Variants in SVOP observed in about 807,000 individuals in gnomAD.
SVOP encodes the protein synaptic vesicle 2-related protein.
Under a neutral mutation model 69.1 loss-of-function variants are expected in SVOP, and 17 were observed. The ratio of observed to expected loss-of-function variants is 0.25; its 90% CI spans 0.17 to 0.37. The LOEUF is 0.37. Ranked by LOEUF, SVOP falls within the 10% of genes least tolerant of loss-of-function variation. SVOP has a pLI of 1.00. For synonymous variants in SVOP, 238 were observed against 238.6 expected, an observed-to-expected ratio of 1.00 and a Z score of 0.02; for missense variants, 435 against 597.5, an observed-to-expected ratio of 0.73 and a Z score of 2.84.
rs1479274311 is a variant in SVOP at position 108,912,216 on chromosome 12, G to T, written c.*319C>A. 5.8e-6 allele frequency: 7 copies of T among 1,212,872 alleles called. No homozygotes were observed. In the East Asian group the frequency reaches 3.0e-4, roughly 52 times the overall value. The allele number at this position is 1,212,872 out of a possible 1,614,324, so 75.1% of individuals were successfully genotyped here. ...GGTTGTTCACTGAGGGTTTGGCCGG[G>T]TGACTCTGGGTGGTGTCTGATTGGT... On this transcript the variant is annotated 3_prime_UTR_variant, in exon 16 of 16. Coordinates refer to ENST00000610966, the MANE Select transcript of SVOP (RefSeq NM_018711.5).
chr12:108,970,991 C>T (rs897205641), intron 5 of SVOP, among the ~76,000 whole-genome samples: 1 of 152,172 alleles, frequency 6.6e-6, no homozygotes, highest in Non-Finnish European at 1.5e-5. Context: ...GCACTCCAGC[C>T]TGGGCAACAG....
At chr12:108,971,423 C>T (rs1593195287) in intron 5 of SVOP, among the ~76,000 whole-genome samples, 1 of 80,978 alleles carries the variant, frequency 1.2e-5, no homozygotes, top group Non-Finnish European at 2.5e-5. Context: ...AGCAAGACTC[C>T]GTCTCAAAAA....
At chr12:108,975,192 G>T (rs1014857205) in intron 4 of SVOP, among the ~76,000 whole-genome samples, 1 of 152,178 alleles carries the variant, frequency 6.6e-6, no homozygotes, top group Middle Eastern at 3.2e-3. Context: ...TCCCCAAAAG[G>T]AGAGATTCTG....
intron 5 of SVOP, among the ~76,000 whole-genome samples, chr12:108,965,437 G>A (rs2040039635): frequency 6.6e-6 from 1 of 152,108 alleles, no homozygotes; most frequent in African/African-American, 2.4e-5. Context: ...ATGGGGGCCT[G>A]GTGGAATTAC....
At chr12:108,974,600 G>A (rs188213052) in intron 4 of SVOP, among the ~76,000 whole-genome samples, 8 of 152,164 alleles carry the variant, frequency 5.3e-5, no homozygotes, top group African/African-American at 1.4e-4. Flanking sequence ...GCATGGTGGC[G>A]TGTGTCTTTG....
intron 5 of SVOP, among the ~76,000 whole-genome samples, chr12:108,968,173 C>T (rs2040056501): frequency 6.6e-6 from 1 of 152,204 alleles, no homozygotes; most frequent in South Asian, 2.1e-4. Flanking sequence ...ACAAGGAGGT[C>T]TGGTTCTCAT....
Position 108,940,845 on chromosome 12 carries a change from C to T in SVOP, c.707G>A (p.Gly236Asp), listed in dbSNP as rs2137406387. The T allele has an allele frequency of 3.9e-6, 6 of 1,537,214 alleles. No individual in the cohort carries two copies. Among genetic ancestry groups the T allele is most frequent in the Non-Finnish European group, 5.2e-6 (6 of 1,146,894 alleles). The change falls in exon 8 of 16, where the codon GGC becomes GAC. Residue 236 changes from glycine to aspartate, a missense_variant. Physicochemically the swap from Gly to Asp is moderately conservative, Grantham distance 94. Transcript: ENST00000610966. ...VLAVFVMPSL[G>D]WRWLLILSAV... ...TGAGAGGATGAGCAGCCAACGCCAG[C>T]CCAGGCTGGGCATCACGAACACAGC...
At chr12:108,948,452 A>G (rs1156564203) in intron 6 of SVOP, among the ~76,000 whole-genome samples, 2 of 152,208 alleles carry the variant, frequency 1.3e-5, no homozygotes, top group Non-Finnish European at 2.9e-5. Flanking sequence ...TCATATCTAC[A>G]TCTATCAACA....
intron 15 of SVOP, among the ~76,000 whole-genome samples, chr12:108,913,799 C>T (rs907439856): frequency 1.5e-4 from 23 of 152,274 alleles, no homozygotes; most frequent in African/African-American, 2.9e-4. Flanking sequence ...CAGGCATATG[C>T]CACCATGCCT....
intron 11 of SVOP, among the ~76,000 whole-genome samples, chr12:108,930,175 A>AT (rs2039807676): frequency 6.6e-6 from 1 of 152,244 alleles, no homozygotes; most frequent in East Asian, 1.9e-4. Context: ...AACACAAGCA[A>AT]TGCTTGTTCA....
At chr12:108,949,034 T>C (rs183025633) in intron 6 of SVOP, among the ~76,000 whole-genome samples, 42 of 152,318 alleles carry the variant, frequency 2.8e-4, no homozygotes, top group Middle Eastern at 3.4e-3. Context: ...GCTATTTCTG[T>C]CCTTAGAGAT....
At chr12:108,995,457 C>T (rs1213156789) in intron 1 of SVOP, among the ~76,000 whole-genome samples, 1 of 152,010 alleles carries the variant, frequency 6.6e-6, no homozygotes, top group African/African-American at 2.4e-5. Flanking sequence ...CACTTACATT[C>T]ACAGATGTAG....
intron 1 of SVOP, among the ~76,000 whole-genome samples, chr12:109,005,196 G>A (rs1023004177): frequency 2.0e-5 from 3 of 152,170 alleles, no homozygotes; most frequent in African/African-American, 4.8e-5. Flanking sequence ...GTGGTCCATC[G>A]GAGTAGACAA....
chr12:109,006,622 G>A (rs999545875), intron 1 of SVOP, among the ~76,000 whole-genome samples: 5 of 152,126 alleles, frequency 3.3e-5, no homozygotes, highest in East Asian at 3.9e-4. Context: ...GGTTCGGTTC[G>A]TTTGAATAAT....
chr12:108,915,149 G>T (rs1012408007), intron 15 of SVOP, among the ~76,000 whole-genome samples: 1 of 147,818 alleles, frequency 6.8e-6, no homozygotes, highest in Admixed American at 6.7e-5. Flanking sequence ...CTCCAGCCTG[G>T]GTGACAAAGC....
chr12:108,972,591 T>G, intron 4 of SVOP, 115 bp from the exon 5 acceptor site: 1 of 1,078,166 alleles, frequency 9.3e-7, no homozygotes, highest in Non-Finnish European at 1.4e-6. Flanking sequence ...GATCTAACAT[T>G]CACTGAGAGC....
intron 9 of SVOP, among the ~76,000 whole-genome samples, chr12:108,937,913 G>T (rs751792517): frequency 6.6e-6 from 1 of 152,188 alleles, no homozygotes; most frequent in Non-Finnish European, 1.5e-5. Flanking sequence ...CCAGCACTTT[G>T]GGAGGCCGGG....
chr12:108,910,185 A>C lies in SVOP; in HGVS notation c.*2350T>G, dbSNP rs921561829. 3.3e-5 allele frequency: 5 copies of C among 152,102 alleles called. No homozygotes were observed. The highest frequency in any genetic ancestry group is 1.2e-4 in the African/African-American group (5 of 41,400). 9.4% of individuals were successfully genotyped at this position (152,102 alleles called of 1,614,324 possible). ...CACCATGTTAGCCAGGATGGTCTCG[A>C]TCTCCTGACCTTGTGATCCGCCCGC... On this transcript the variant is annotated 3_prime_UTR_variant, in exon 16 of 16. Coordinates refer to ENST00000610966, the MANE Select transcript of SVOP (RefSeq NM_018711.5).
intron 12 of SVOP, among the ~76,000 whole-genome samples, chr12:108,921,647 T>C (rs1331893101): frequency 6.6e-6 from 1 of 152,172 alleles, no homozygotes; most frequent in Non-Finnish European, 1.5e-5. Context: ...GTTTAAAGGC[T>C]GCTCCCAGGT....
Sources: allele counts gnomAD v4.1 joint callset (sites outside exome capture counted in the v4.1 genomes callset), GRCh38; gene constraint gnomAD v4.1.1; transcripts MANE v1.5; gene names NCBI Gene and HGNC (gene_info 2026-07-23, HGNC 2026-07-21).